Variants in DMC1 observed in about 807,000 individuals in gnomAD.
DMC1 encodes the protein DNA meiotic recombinase 1, also known as meiotic recombination protein DMC1 homolog.
In DMC1, 27 loss-of-function variants were observed where a neutral mutation model predicts 50.1. The observed-to-expected ratio is 0.54, with a 90% CI of 0.40 to 0.74. DMC1 has a LOEUF of 0.74. DMC1 is among the 30% of genes least tolerant of loss of function. The pLI is 0.00. For synonymous variants in DMC1, 148 were observed against 136.1 expected (o/e 1.09, Z -0.61); for missense variants, 295 against 420.2 (o/e 0.70, Z 2.60).
At chr22:38,543,235 T>G (rs1466241682) in intron 8 of DMC1, among the ~76,000 whole-genome samples, 3 of 151,510 alleles carry the variant, frequency 2.0e-5, no homozygotes, top group African/African-American at 2.4e-5. Flanking sequence ...AAATTGTTTT[T>G]TTTTTTTTTT....
intron 4 of DMC1, among the ~76,000 whole-genome samples, chr22:38,563,715 T>G (rs2090552595): frequency 6.6e-6 from 1 of 151,708 alleles, no homozygotes; most frequent in Non-Finnish European, 1.5e-5. Flanking sequence ...TTTTTTTTTT[T>G]TTGAGATGGA....
chr22:38,548,611 C>G (rs577147720), intron 8 of DMC1, among the ~76,000 whole-genome samples: 2 of 152,084 alleles, frequency 1.3e-5, no homozygotes, highest in Non-Finnish European at 2.9e-5. Context: ...TGATGGCTCA[C>G]GCCTATAATT....
At position 38,563,801 on chromosome 22, in the gene DMC1, G is replaced by A. The variant is rs563180044; in HGVS notation, c.244-1432C>T. 5.9e-5 allele frequency among the ~76,000 whole-genome samples: 9 copies of A among 151,728 alleles called. No homozygotes were observed. The South Asian group carries it at 1.3e-3, about 21-fold the overall frequency. On this transcript the variant is annotated intron_variant, in intron 4 of 13. Coordinates refer to ENST00000216024, the MANE Select transcript of DMC1 (RefSeq NM_007068.4). ...TGCAAGCTCCACCTCCTGGGTTCAC[G>A]CCATTCTCCTGACTCAGCCTCCCGA... is the stretch of plus-strand genomic sequence containing the variant.
downstream of DMC1, among the ~76,000 whole-genome samples, chr22:38,514,216 C>T (rs1400787442): frequency 6.7e-6 from 1 of 148,494 alleles, no homozygotes; most frequent in Non-Finnish European, 1.5e-5. Flanking sequence ...CTGAGACCTA[C>T]TGGCCTGCAT....
At chr22:38,514,402 G>A (rs966314281), downstream of DMC1, among the ~76,000 whole-genome samples, 1 of 151,488 alleles carries the variant, frequency 6.6e-6, no homozygotes. Flanking sequence ...GCAACATGAC[G>A]CCCAGCTAAT....
chr22:38,558,958 C>A (rs1362922680), intron 5 of DMC1, among the ~76,000 whole-genome samples: 1 of 152,128 alleles, frequency 6.6e-6, no homozygotes, highest in Non-Finnish European at 1.5e-5. Context: ...AAGCCTCTTC[C>A]TTAACTTTAC....
intron 8 of DMC1, 110 bp from the exon 9 acceptor site, chr22:38,539,522 C>A: frequency 1.2e-6 from 1 of 845,054 alleles, no homozygotes; most frequent in Non-Finnish European, 2.0e-6. Flanking sequence ...AAACAATGTA[C>A]CTGTGAAGGT....
chr22:38,517,798 C>T (rs2089986307), downstream of DMC1, among the ~76,000 whole-genome samples: 1 of 152,090 alleles, frequency 6.6e-6, no homozygotes, highest in Admixed American at 6.6e-5. Flanking sequence ...TTCAGGGAAG[C>T]AGCTTCTGTG....
intron 2 of DMC1, 126 bp downstream of exon 2, chr22:38,568,080 T>C (rs2090598762): frequency 1.2e-6 from 1 of 837,940 alleles, no homozygotes; most frequent in Non-Finnish European, 2.0e-6. Flanking sequence ...AGTTGTTACA[T>C]ATTTGCAATA....
chr22:38,516,649 C>G (rs1012554412), downstream of DMC1, among the ~76,000 whole-genome samples: 1 of 152,018 alleles, frequency 6.6e-6, no homozygotes, highest in Non-Finnish European at 1.5e-5. Flanking sequence ...GTTTATTATA[C>G]TCAGGTCCTA....
chr22:38,539,312 G>A lies in DMC1; in HGVS notation c.586+9C>T, dbSNP rs1478095305. ...TTGACCCAAGCATCCAACTGCATGG[G>A]GCTCTTACTAGTATATGCACGTGCA... On this transcript the variant is annotated intron_variant, in intron 9 of 13. Transcript: ENST00000216024. 7.5e-6 allele frequency: 12 copies of A among 1,605,832 alleles called. No homozygotes were observed. Among genetic ancestry groups the A allele is most frequent in the Non-Finnish European group, 1.0e-5 (12 of 1,172,518 alleles).
the DMC1 span, among the ~76,000 whole-genome samples, chr22:38,509,320 C>T: frequency 9.9e-5 from 15 of 152,134 alleles, no homozygotes; most frequent in East Asian, 3.9e-4. Flanking sequence ...CTCCCTCCGC[C>T]GACCCCCAAC....
intron 12 of DMC1, among the ~76,000 whole-genome samples, chr22:38,529,996 T>C (rs1030843562): frequency 1.3e-5 from 2 of 152,104 alleles, no homozygotes; most frequent in African/African-American, 4.8e-5. Context: ...GATGGAGTCT[T>C]GCTCTGTCGC....
At chr22:38,526,893 TTC>T (rs1226790112) in intron 12 of DMC1, among the ~76,000 whole-genome samples, 1 of 152,222 alleles carries the variant, frequency 6.6e-6, no homozygotes, top group African/African-American at 2.4e-5. Flanking sequence ...CGTCTGGTTC[TTC>T]ATTCAGTCTC....
At chr22:38,568,377 C>A in intron 1 of DMC1, 88 bp from the exon 2 acceptor site, 1 of 946,480 alleles carries the variant, frequency 1.1e-6, no homozygotes, top group African/African-American at 1.6e-5. Context: ...ACTAGAAGGA[C>A]AGTAAGAGAA....
intron 12 of DMC1, among the ~76,000 whole-genome samples, chr22:38,527,239 C>T (rs1047581255): frequency 4.6e-5 from 7 of 151,942 alleles, no homozygotes; most frequent in African/African-American, 1.7e-4. Flanking sequence ...GCATCTTTCT[C>T]TGCCATCCAG....
intron 4 of DMC1, among the ~76,000 whole-genome samples, chr22:38,564,109 C>T (rs2146017246): frequency 1.3e-5 from 2 of 152,222 alleles, no homozygotes; most frequent in Middle Eastern, 6.8e-3. Context: ...GTCAAGGCCA[C>T]AGTGAACTGT....
intron 4 of DMC1, 30 bp from the exon 5 acceptor site, chr22:38,562,399 A>C: frequency 1.4e-6 from 2 of 1,437,020 alleles, no homozygotes; most frequent in Non-Finnish European, 9.8e-7. Context: ...AATGTTCAAA[A>C]AGAGTTTAAA....
chr22:38,562,779 G>GTATACA (rs1041778773), intron 4 of DMC1, among the ~76,000 whole-genome samples: 3 of 151,200 alleles, frequency 2.0e-5, no homozygotes, highest in East Asian at 1.9e-4. Context: ...ACATATATGT[G>GTATACA]TATACATATA....
Sources: gnomAD v4.1 joint callset for allele counts (sites outside exome capture counted in the v4.1 genomes callset) on GRCh38, gnomAD v4.1.1 for gene constraint, MANE v1.5 for transcripts, NCBI Gene and HGNC (gene_info 2026-07-23, HGNC 2026-07-21) for gene names.